The following GAK variants were observed in gnomAD, a reference collection of about 807,000 sequenced individuals.
GAK encodes cyclin-G-associated kinase.
GAK carries 79 observed loss-of-function variants against 143.9 expected under a neutral mutation model. The ratio of observed to expected loss-of-function variants is 0.55; its 90% CI spans 0.46 to 0.66. The LOEUF (loss-of-function observed/expected upper bound fraction) is 0.66, where lower values mean the gene tolerates loss of function less well. GAK is among the 30% of genes least tolerant of loss of function. The probability of loss-of-function intolerance (pLI) is 0.00; values close to 1 mark genes in which losing one functional copy is unlikely to be tolerated. For missense variants in GAK, 1,693 were observed against 1,779.7 expected (o/e 0.95, Z 0.88); for synonymous variants, 881 against 765.5 (o/e 1.15, Z -2.49).
rs561665552 is a variant in GAK, at chr4:926,184, A to G, written c.145+5859T>C. ...CCTCCCTCGACAGTGACCTCCCCCA[A>G]TGGTGAGCCCACCCATGGGGTCCTC... On this transcript the variant is annotated intron_variant, in intron 1 of 27. Coordinates refer to ENST00000314167, the MANE Select transcript of GAK (RefSeq NM_005255.4). Among the ~76,000 whole-genome samples, 24 of 151,714 alleles carry G rather than the reference A, an allele frequency of 1.6e-4. 1 individual carries two copies. Among genetic ancestry groups the G allele is most frequent in the East Asian group, 5.8e-4 (3 of 5,136 alleles).
intron 18 of GAK, among the ~76,000 whole-genome samples, chr4:871,699 T>G (rs1373412065): frequency 1.1e-4 from 13 of 118,220 alleles, no homozygotes; most frequent in South Asian, 2.7e-4. Context: ...GCCATGTGGG[T>G]GGGGAGCAGG....
chr4:924,080 G>A (rs981885153), intron 1 of GAK, among the ~76,000 whole-genome samples: 2 of 151,374 alleles, frequency 1.3e-5, no homozygotes, highest in African/African-American at 4.9e-5. Context: ...AGCTAGTTGG[G>A]AGGCTGAGGC....
At chr4:862,702 G>C (rs967783258) in intron 23 of GAK, among the ~76,000 whole-genome samples, 1 of 151,186 alleles carries the variant, frequency 6.6e-6, no homozygotes, top group African/African-American at 2.4e-5. Flanking sequence ...TTGTGCCATA[G>C]AAATGGCACA....
chr4:905,062 C>A (rs2152916400), intron 4 of GAK, among the ~76,000 whole-genome samples: 1 of 152,234 alleles, frequency 6.6e-6, no homozygotes, highest in South Asian at 2.1e-4. Context: ...GGAGTGTGAC[C>A]TTCTGGTTGG....
Position 877,824 on chromosome 4 carries a change from G to A in GAK, c.1662-15C>T. On this transcript the variant is annotated splice_polypyrimidine_tract_variant and intron_variant, in intron 15 of 27. Transcript: ENST00000314167. ...ACTCGATGTACCTGGGGGCAGACGT[G>A]CCGCGTCACCACGTGACGTGCCCTG... The A allele has an allele frequency of 6.4e-7, 1 of 1,561,294 alleles. No homozygotes were observed. The highest frequency in any genetic ancestry group is 8.7e-7 in the Non-Finnish European group (1 of 1,149,782).
At chr4:850,781 CCT>C in intron 26 of GAK, 153 bp downstream of exon 26, 1 of 784,340 alleles carries the variant, frequency 1.3e-6, no homozygotes. Flanking sequence ...GTGACAGGTC[CCT>C]GTCTGGAGAC....
In GAK at chr4:899,687, G is replaced by A. The variant is rs145941590; in HGVS notation, c.526-1529C>T. 9.8e-4 allele frequency among the ~76,000 whole-genome samples: 150 copies of A among 152,334 alleles called. 1 individual carries two copies. The East Asian group carries it at 0.027, about 28-fold the overall frequency. On this transcript the variant is annotated intron_variant, in intron 5 of 27. Transcript: ENST00000314167. ...CCCCAGGACAGCAAAGTGCAGAGCC[G>A]TGGCATCCAAGAGTGCAAGGGGACG...
chr4:896,549 T>C lies in GAK; in HGVS notation c.652A>G (p.Ile218Val), dbSNP rs942663083. The change falls in exon 7 of 28, where the codon ATC (isoleucine) becomes GTC (valine). Residue 218 changes from isoleucine (I) to valine (V), a missense_variant and splice_region_variant. By Grantham distance (29) the Ile-to-Val change is conservative. Coordinates refer to ENST00000314167, the MANE Select transcript of GAK (RefSeq NM_005255.4). The stretch of plus-strand genomic sequence containing the variant: ...TACATTGGTGTTGTATTCCTCGTGA[T>C]CTGAAAAAATACAAACATTTCAAAG... ...AQRRALVEEE[I>V]TRNTTPMYRT... 12 of 1,608,110 alleles carry C rather than the reference T, an allele frequency of 7.5e-6. 1 individual carries two copies. In the South Asian group the frequency reaches 1.1e-4, roughly 15 times the overall value.
chr4:859,290 A>G lies in GAK; in HGVS notation c.3283+316T>C, dbSNP rs1027627340. On this transcript the variant is annotated intron_variant, in intron 24 of 27. Transcript: ENST00000314167. ...CGGGGACTGAGCAGAGCCCAGCTAC[A>G]CCCCACTTCCATGCAGAGACCCCGC... 4 of 1,285,852 alleles carry G rather than the reference A, an allele frequency of 3.1e-6. No individual in the cohort carries two copies. In the African/African-American group the frequency reaches 4.5e-5, roughly 14 times the overall value. The allele number at this position is 1,285,852 out of a possible 1,614,324, so 79.7% of individuals were successfully genotyped here. A position where few individuals can be genotyped will look rare whatever the true frequency, so the allele number is the denominator to read the frequency against.
intron 18 of GAK, among the ~76,000 whole-genome samples, chr4:872,934 G>A (rs1713006604): frequency 6.6e-6 from 1 of 151,814 alleles, no homozygotes; most frequent in Non-Finnish European, 1.5e-5. Context: ...CCCAGGCACG[G>A]CGCAGGCTCA....
intron 19 of GAK, 149 bp from the exon 20 acceptor site, chr4:868,834 G>A (rs1711647922): frequency 2.7e-6 from 2 of 753,302 alleles, no homozygotes; most frequent in Non-Finnish European, 4.2e-6. Context: ...ATGACGGGGA[G>A]GGGCTCTCTG....
intron 15 of GAK, 63 bp from the exon 16 acceptor site, chr4:877,872 TTG>T (rs1302465196): frequency 1.4e-6 from 2 of 1,440,028 alleles, no homozygotes; most frequent in African/African-American, 2.9e-5. Flanking sequence ...ACAGCTGATT[TTG>T]TCTTTCGAAT....
rs368425867 is a variant in GAK at position 877,829 on chromosome 4, G to A, written c.1662-20C>T. 435 of 1,555,818 alleles carry A rather than the reference G, an allele frequency of 2.8e-4. 1 individual carries two copies. Among genetic ancestry groups the A allele is most frequent in the Admixed American group, 4.0e-4 (21 of 52,054 alleles). ...ATGTACCTGGGGGCAGACGTGCCGC[G>A]TCACCACGTGACGTGCCCTGAGAGG... is the stretch of plus-strand genomic sequence containing the variant. On this transcript the variant is annotated intron_variant, in intron 15 of 27. Transcript: ENST00000314167.
rs947797952 is a variant in GAK at position 849,403 on chromosome 4, C to T, written c.*270G>A. 60 of 516,420 alleles carry T rather than the reference C, an allele frequency of 1.2e-4. No individual in the cohort carries two copies. Among genetic ancestry groups the T allele is most frequent in the African/African-American group, 9.5e-4 (50 of 52,464 alleles). 32.0% of individuals were successfully genotyped at this position (516,420 alleles called of 1,614,324 possible). A position where few individuals can be genotyped will look rare whatever the true frequency, so the allele number is the denominator to read the frequency against. Reference sequence around the variant, plus strand: ...CGTGCCGGGGCTCCAGAGGCCACGCCCGAAACACCAAATAAATCACAGACG... The same window carrying T: ...CGTGCCGGGGCTCCAGAGGCCACGCTCGAAACACCAAATAAATCACAGACG... On this transcript the variant is annotated 3_prime_UTR_variant, in exon 28 of 28. Transcript: ENST00000314167.
At chr4:902,388 C>T (rs959253035) in intron 5 of GAK, among the ~76,000 whole-genome samples, 17 of 151,544 alleles carry the variant, frequency 1.1e-4, no homozygotes, top group Admixed American at 2.0e-4. Flanking sequence ...GTGGATCACT[C>T]GAGCTCAGGA....
At chr4:862,645 G>C (rs1159741977) in intron 23 of GAK, among the ~76,000 whole-genome samples, 1 of 148,982 alleles carries the variant, frequency 6.7e-6, no homozygotes, top group Admixed American at 6.8e-5. Flanking sequence ...GCGACAAAGA[G>C]AGACTCTGTC....
intron 10 of GAK, among the ~76,000 whole-genome samples, chr4:889,468 G>A (rs1243914242): frequency 6.6e-6 from 1 of 151,836 alleles, no homozygotes; most frequent in Non-Finnish European, 1.5e-5. Context: ...CCTGGCCAAA[G>A]TCCCTCATGC....
intron 9 of GAK, among the ~76,000 whole-genome samples, chr4:892,374 A>G (rs997767072): frequency 1.3e-5 from 2 of 152,104 alleles, no homozygotes; most frequent in African/African-American, 4.8e-5. Context: ...CTGAGCTGGG[A>G]TGCCCAGGGG....
intron 11 of GAK, chr4:886,981 T>A (rs947273509): frequency 2.8e-4 from 42 of 152,378 alleles, no homozygotes; most frequent in African/African-American, 9.4e-4. Flanking sequence ...CAGCCAAACA[T>A]GCAGCACACA....
Sources: allele counts gnomAD v4.1 joint callset (sites outside exome capture counted in the v4.1 genomes callset), GRCh38; gene constraint gnomAD v4.1.1; transcripts MANE v1.5; gene names NCBI Gene and HGNC (gene_info 2026-07-23, HGNC 2026-07-21).